LSAMP: variants seen among roughly 807,000 people sequenced by gnomAD.
LSAMP encodes limbic system-associated membrane protein.
A neutral mutation model predicts 38.6 loss-of-function variants in LSAMP; 7 were observed. The observed-to-expected ratio is 0.18, with a 90% CI of 0.10 to 0.34. LSAMP has a LOEUF of 0.34. Among genes scored for constraint, LSAMP ranks in the 10% least tolerant of loss-of-function variants. LSAMP has a pLI of 1.00. For missense variants in LSAMP, 313 were observed against 420.0 expected, an observed-to-expected ratio of 0.75 and a Z score of 2.23; for synonymous variants, 154 against 166.8, an observed-to-expected ratio of 0.92 and a Z score of 0.59.
At position 116,283,655 on chromosome 3, in the gene LSAMP, A is replaced by T. The variant is rs138715398; in HGVS notation, c.155+161222T>A. Among the ~76,000 whole-genome samples the T allele has an allele frequency of 5.4e-3, 824 of 152,306 alleles. 5 individuals carry two copies. The highest frequency in any genetic ancestry group is 0.019 in the African/African-American group (780 of 41,562). On this transcript the variant is annotated intron_variant, in intron 1 of 6. Coordinates refer to ENST00000490035, the MANE Select transcript of LSAMP (RefSeq NM_002338.5). Reference sequence around the variant, plus strand: ...AATAAATTTTAAAGAGATTCTGGGAATCAAAAAATAAAGATGGCTTATAAT... The same window carrying T: ...AATAAATTTTAAAGAGATTCTGGGATTCAAAAAATAAAGATGGCTTATAAT...
intron 3 of LSAMP, among the ~76,000 whole-genome samples, chr3:115,953,219 T>G (rs1438927665): frequency 5.3e-5 from 8 of 152,148 alleles, no homozygotes; most frequent in Non-Finnish European, 8.8e-5. Flanking sequence ...TGAATTTTAT[T>G]TTTGCTGATA....
chr3:115,870,701 C>T (rs10934313), intron 3 of LSAMP, among the ~76,000 whole-genome samples: 29,287 of 152,020 alleles, frequency 0.19, 3,689 homozygotes, highest in African/African-American at 0.34. Flanking sequence ...AACAAACTAG[C>T]CATGCTGTAA....
chr3:115,930,367 A>G (rs1937562268), intron 3 of LSAMP, among the ~76,000 whole-genome samples: 1 of 152,130 alleles, frequency 6.6e-6, no homozygotes, highest in Non-Finnish European at 1.5e-5. Flanking sequence ...TTATTATCTG[A>G]GCCCCTCCTT....
At chr3:115,975,021 T>A (rs181044989) in intron 3 of LSAMP, among the ~76,000 whole-genome samples, 23 of 152,286 alleles carry the variant, frequency 1.5e-4, no homozygotes, top group Admixed American at 1.5e-3. Flanking sequence ...CAAAGCTATG[T>A]TGGAGGTTTA....
At chr3:116,305,149 G>A (rs1238680922) in intron 1 of LSAMP, among the ~76,000 whole-genome samples, 3 of 151,982 alleles carry the variant, frequency 2.0e-5, no homozygotes, top group Non-Finnish European at 4.4e-5. Context: ...AATACAAATG[G>A]GGATGCACCT....
At chr3:116,204,931 C>A (rs1369233807) in intron 1 of LSAMP, among the ~76,000 whole-genome samples, 1 of 144,056 alleles carries the variant, frequency 6.9e-6, no homozygotes, top group Non-Finnish European at 1.5e-5. Flanking sequence ...TTTTCCAATT[C>A]TGTGAAGAAA....
rs1455560031 is a variant in LSAMP at position 115,810,543 on chromosome 3, A to G, written c.920-129T>C. ...CTAGCATCTCAAAGTTACTGCACTT[A>G]TGTGCAGCCCAAGAAGCGCTCAAAA... On this transcript the variant is annotated intron_variant, in intron 6 of 6. Transcript: ENST00000490035. The G allele has an allele frequency of 4.3e-6, 3 of 699,952 alleles. No individual in the cohort carries two copies. The African/African-American group carries it at 5.4e-5, about 13-fold the overall frequency. 43.4% of individuals were successfully genotyped at this position (699,952 alleles called of 1,614,324 possible).
intron 1 of LSAMP, among the ~76,000 whole-genome samples, chr3:116,254,279 C>T (rs990828979): frequency 6.6e-6 from 1 of 152,114 alleles, no homozygotes; most frequent in Non-Finnish European, 1.5e-5. Flanking sequence ...TGTATTGATT[C>T]ATGTAACATA....
At chr3:115,925,519 C>A (rs1224335736) in intron 3 of LSAMP, among the ~76,000 whole-genome samples, 1 of 152,134 alleles carries the variant, frequency 6.6e-6, no homozygotes, top group Non-Finnish European at 1.5e-5. Flanking sequence ...AAGGCCCTAT[C>A]TGTCTTGGTA....
intron 3 of LSAMP, among the ~76,000 whole-genome samples, chr3:115,875,362 G>T (rs1233734325): frequency 6.6e-6 from 1 of 152,078 alleles, no homozygotes; most frequent in Non-Finnish European, 1.5e-5. Context: ...TAAAGTAGGG[G>T]TTTGATAAGT....
At chr3:115,970,484 C>A (rs779045570) in intron 3 of LSAMP, among the ~76,000 whole-genome samples, 4 of 152,184 alleles carry the variant, frequency 2.6e-5, no homozygotes, top group African/African-American at 4.8e-5. Flanking sequence ...CAAGTTCACA[C>A]ACTAATTTGC....
chr3:115,933,647 G>A (rs1022267185), intron 3 of LSAMP, among the ~76,000 whole-genome samples: 6 of 152,172 alleles, frequency 3.9e-5, no homozygotes, highest in African/African-American at 7.2e-5. Context: ...ATAGGCATAG[G>A]AGCACCCCTG....
intron 1 of LSAMP, among the ~76,000 whole-genome samples, chr3:116,439,450 AC>A (rs1433335394): frequency 1.3e-5 from 2 of 151,932 alleles, no homozygotes; most frequent in African/African-American, 4.8e-5. Flanking sequence ...CCAGGGACCT[AC>A]TGACTCAAAA....
intron 1 of LSAMP, among the ~76,000 whole-genome samples, chr3:116,401,432 C>G (rs2048841014): frequency 6.6e-6 from 1 of 152,184 alleles, no homozygotes; most frequent in Non-Finnish European, 1.5e-5. Flanking sequence ...CAGGCACATG[C>G]CATCATGCCC....
At chr3:116,037,189 T>C (rs907439269) in intron 2 of LSAMP, among the ~76,000 whole-genome samples, 5 of 152,168 alleles carry the variant, frequency 3.3e-5, no homozygotes, top group African/African-American at 1.2e-4. Context: ...CAATTCTATA[T>C]TTGGCATTTT....
intron 3 of LSAMP, among the ~76,000 whole-genome samples, chr3:115,878,868 CA>C (rs1481343424): frequency 8.6e-5 from 13 of 152,036 alleles, no homozygotes; most frequent in Non-Finnish European, 1.8e-4. Flanking sequence ...ATGTGTATGG[CA>C]GCTATAAAGG....
At chr3:116,065,659 G>T (rs1490266176) in intron 2 of LSAMP, among the ~76,000 whole-genome samples, 1 of 152,186 alleles carries the variant, frequency 6.6e-6, no homozygotes, top group African/African-American at 2.4e-5. Context: ...AACCCAGCAA[G>T]TATTTTGTCT....
chr3:115,866,441 A>C (rs1935863143), intron 3 of LSAMP, among the ~76,000 whole-genome samples: 2 of 152,204 alleles, frequency 1.3e-5, no homozygotes, highest in South Asian at 4.2e-4. Context: ...TTACACCCAA[A>C]GTTGAATAAG....
At chr3:116,081,325 G>A (rs141324369) in intron 2 of LSAMP, among the ~76,000 whole-genome samples, 1,873 of 151,912 alleles carry the variant, frequency 0.012, 43 homozygotes, top group African/African-American at 0.042. Flanking sequence ...ATGATGGCAC[G>A]CGCCTGTAGT....
Sources: gnomAD v4.1 joint callset for allele counts (sites outside exome capture counted in the v4.1 genomes callset) on GRCh38, gnomAD v4.1.1 for gene constraint, MANE v1.5 for transcripts, NCBI Gene and HGNC (gene_info 2026-07-23, HGNC 2026-07-21) for gene names.